Variants in CPEB4 observed in about 807,000 individuals in gnomAD.
CPEB4 encodes the protein cytoplasmic polyadenylation element-binding protein 4.
A neutral mutation model predicts 72.5 loss-of-function variants in CPEB4; 12 were observed. That is an observed-to-expected ratio of 0.17 (90% CI 0.11 to 0.27). CPEB4 has a LOEUF of 0.27. Ranked by LOEUF, CPEB4 falls within the 10% of genes least tolerant of loss-of-function variation. CPEB4 has a pLI of 1.00. For missense variants in CPEB4, 614 were observed against 908.5 expected (o/e 0.68, Z 4.17); for synonymous variants, 302 against 326.3 (o/e 0.93, Z 0.80).
intron 2 of CPEB4, among the ~76,000 whole-genome samples, chr5:173,913,198 C>CT (rs201042615): frequency 0.011 from 1,568 of 139,080 alleles, 16 homozygotes; most frequent in African/African-American, 0.029. Flanking sequence ...ACACATTATT[C>CT]TTTTTTTTTT....
Position 173,890,752 on chromosome 5 carries a change from G to A in CPEB4, c.1019G>A (p.Ser340Asn). 1 of 1,614,170 alleles carries A rather than the reference G, an allele frequency of 6.2e-7. No homozygotes were observed. Among genetic ancestry groups the A allele is most frequent in the Non-Finnish European group, 8.5e-7 (1 of 1,180,044 alleles). Residue 340 changes from serine to asparagine, a missense_variant, in exon 1 of 10, where the codon AGC (serine) becomes AAC (asparagine). By Grantham distance (46) the Ser-to-Asn change is conservative. Coordinates refer to ENST00000265085, the MANE Select transcript of CPEB4 (RefSeq NM_030627.4). ...SISPLKKNFA[S>N]NHIQLQKYAR... is the part of the protein sequence containing the mutation. ...TCGCCTTTGAAGAAAAATTTTGCAA[G>A]CAATCATATTCAGCTCCAGAAGTAT...
intron 2 of CPEB4, among the ~76,000 whole-genome samples, chr5:173,924,413 A>AT (rs1451921616): frequency 2.6e-5 from 4 of 151,986 alleles, no homozygotes; most frequent in Non-Finnish European, 2.9e-5. Flanking sequence ...GCAAATTCTC[A>AT]TTTTTCTGAA....
rs1416772365 is a variant in CPEB4, at chr5:173,955,308, G to C, written c.1963-602G>C. Among the ~76,000 whole-genome samples the C allele has an allele frequency of 6.6e-6, 1 of 151,908 alleles. No homozygotes were observed. The highest frequency in any genetic ancestry group is 1.9e-4 in the East Asian group (1 of 5,182). ...TTCTTACTGAGAAAGAACAAAGCAG[G>C]GTTTTAGACTGTGAATCCTATGGCT... is the stretch of plus-strand genomic sequence containing the variant. On this transcript the variant is annotated intron_variant, in intron 9 of 9. Transcript: ENST00000265085. This position sits in a 1 kb window ranked among gnomAD's most constrained non-coding sequence, Gnocchi z 4.7.
chr5:173,907,138 G>A (rs539192972), intron 1 of CPEB4, among the ~76,000 whole-genome samples: 9 of 152,182 alleles, frequency 5.9e-5, no homozygotes, highest in Non-Finnish European at 8.8e-5. Context: ...GTGATGGCAC[G>A]CACCTTTAGT....
At chr5:173,928,275 T>C (rs1186283616) in intron 2 of CPEB4, among the ~76,000 whole-genome samples, 1 of 152,210 alleles carries the variant, frequency 6.6e-6, no homozygotes, top group Non-Finnish European at 1.5e-5. Flanking sequence ...TGAACCCTAA[T>C]GTAAACTGTG....
rs377141672 is a variant in CPEB4, at chr5:173,890,761, T to C, written c.1028T>C (p.Ile343Thr). Reference protein sequence around the residue: ...PLKKNFASNHIQLQKYARPSS... With the variant: ...PLKKNFASNHTQLQKYARPSS... ...AAGAAAAATTTTGCAAGCAATCATA[T>C]TCAGCTCCAGAAGTATGCTCGCCCC... Residue 343 changes from isoleucine (I) to threonine (T), a missense_variant, in exon 1 of 10, where the codon ATT becomes ACT. By Grantham distance (89) the Ile-to-Thr change is moderately conservative. Transcript: ENST00000265085. 1.2e-6 allele frequency: 2 copies of C among 1,614,080 alleles called. No homozygotes were observed. The highest frequency in any genetic ancestry group is 2.7e-5 in the African/African-American group (2 of 74,916).
intron 1 of CPEB4, among the ~76,000 whole-genome samples, chr5:173,895,014 C>T (rs748429726): frequency 6.6e-6 from 1 of 152,100 alleles, no homozygotes; most frequent in Non-Finnish European, 1.5e-5. Flanking sequence ...AAATTTTGAG[C>T]ACATGTTATA....
In CPEB4 at chr5:173,932,433, C is replaced by G. The variant is rs774733495; in HGVS notation, c.1208-17C>G. The stretch of plus-strand genomic sequence containing the variant: ...ATGAAAAAAGTAAACTTAGTAACGG[C>G]CTTCTTTTACCTTCAGGTCGTCTAA... On this transcript the variant is annotated splice_polypyrimidine_tract_variant and intron_variant, in intron 2 of 9. Coordinates refer to ENST00000265085, the MANE Select transcript of CPEB4 (RefSeq NM_030627.4). 6.2e-6 allele frequency: 10 copies of G among 1,604,216 alleles called. No individual in the cohort carries two copies. The highest frequency in any genetic ancestry group is 8.5e-6 in the Non-Finnish European group (10 of 1,174,276).
intron 1 of CPEB4, among the ~76,000 whole-genome samples, chr5:173,901,497 TC>T (rs759870669): frequency 1.1e-4 from 17 of 152,210 alleles, no homozygotes; most frequent in Non-Finnish European, 2.1e-4. Context: ...TCTCTGATGC[TC>T]GTTGTCTTCA....
intron 2 of CPEB4, among the ~76,000 whole-genome samples, chr5:173,923,821 G>T (rs1757153963): frequency 6.6e-6 from 1 of 151,906 alleles, no homozygotes; most frequent in African/African-American, 2.4e-5. Context: ...TCCTCTTAAG[G>T]CAAGTTATCT....
intron 3 of CPEB4, among the ~76,000 whole-genome samples, chr5:173,937,323 G>C (rs1757664873): frequency 6.6e-6 from 1 of 152,120 alleles, no homozygotes; most frequent in Non-Finnish European, 1.5e-5. Context: ...GATTACAGGT[G>C]TGAGTCACCT....
chr5:173,911,827 A>ATAGAGCT (rs989840069), intron 2 of CPEB4, among the ~76,000 whole-genome samples: 1 of 152,026 alleles, frequency 6.6e-6, no homozygotes, highest in Non-Finnish European at 1.5e-5. Context: ...TGTGCCAGAC[A>ATAGAGCT]TAGAGCTTTG....
intron 5 of CPEB4, among the ~76,000 whole-genome samples, chr5:173,945,647 T>C (rs1230288166): frequency 1.3e-5 from 2 of 152,366 alleles, no homozygotes; most frequent in East Asian, 3.9e-4. Context: ...ACATAGAGTT[T>C]ACATTTTATT....
chr5:173,901,300 T>C (rs1756222965), intron 1 of CPEB4, among the ~76,000 whole-genome samples: 1 of 152,196 alleles, frequency 6.6e-6, no homozygotes, highest in Non-Finnish European at 1.5e-5. Context: ...CTGAAGACAT[T>C]CATTCATTTA....
At chr5:173,954,042 G>A (rs1161631184) in intron 9 of CPEB4, among the ~76,000 whole-genome samples, 1 of 152,020 alleles carries the variant, frequency 6.6e-6, no homozygotes, top group Non-Finnish European at 1.5e-5. Context: ...TTATTGATGA[G>A]GGAAGCAATA....
chr5:173,953,311 G>A, intron 9 of CPEB4, 39 bp downstream of exon 9: 1 of 1,399,214 alleles, frequency 7.1e-7, no homozygotes. Flanking sequence ...TCTAGAAATG[G>A]TCCTCTAAAT....
intron 2 of CPEB4, among the ~76,000 whole-genome samples, chr5:173,925,656 A>G (rs1024838737): frequency 6.6e-6 from 1 of 152,232 alleles, no homozygotes; most frequent in Admixed American, 6.5e-5. Context: ...TCCGATGTCC[A>G]GGTCCCCACA....
At chr5:173,927,248 A>AT (rs984227184) in intron 2 of CPEB4, among the ~76,000 whole-genome samples, 2 of 152,224 alleles carry the variant, frequency 1.3e-5, no homozygotes, top group African/African-American at 4.8e-5. Flanking sequence ...CTCAATTTTT[A>AT]TTTTATTATA....
chr5:173,924,112 C>T (rs1460086571), intron 2 of CPEB4, among the ~76,000 whole-genome samples: 1 of 152,144 alleles, frequency 6.6e-6, no homozygotes, highest in Admixed American at 6.5e-5. Context: ...GAAACATATT[C>T]CATTGACCTC....
Sources: allele counts gnomAD v4.1 joint callset (sites outside exome capture counted in the v4.1 genomes callset), GRCh38; gene constraint gnomAD v4.1.1; non-coding constraint Gnocchi (gnomAD v3.1); transcripts MANE v1.5; gene names NCBI Gene and HGNC (gene_info 2026-07-23, HGNC 2026-07-21).